Variants in GAB1 observed in about 807,000 individuals in gnomAD.
GAB1 encodes GRB2-associated-binding protein 1.
A neutral mutation model predicts 66.5 loss-of-function variants in GAB1; 19 were observed. The observed-to-expected ratio is 0.29, with a 90% CI of 0.20 to 0.42. The LOEUF is 0.42. GAB1 is among the 10% of genes least tolerant of loss of function. The probability of loss-of-function intolerance (pLI) is 1.00; values close to 1 mark genes in which losing one functional copy is unlikely to be tolerated. For synonymous variants in GAB1, 294 were observed against 301.4 expected (o/e 0.98, Z 0.25); for missense variants, 732 against 858.5 (o/e 0.85, Z 1.84).
chr4:143,440,204 A>C lies in GAB1; in HGVS notation c.1407A>C (p.Glu469Asp), dbSNP rs775475719. 15 of 1,614,206 alleles carry C rather than the reference A, an allele frequency of 9.3e-6. No individual in the cohort carries two copies. Among genetic ancestry groups the C allele is most frequent in the Non-Finnish European group, 1.3e-5 (15 of 1,180,026 alleles). The change falls in exon 6 of 10, where the codon GAA becomes GAC. Residue 469 changes from glutamate (E) to aspartate (D), a missense_variant. Around this residue, in one of 4 missense-constraint regions of GAB1, gnomAD observed 427 missense variants for 420.6 expected, o/e 1.02. Coordinates refer to ENST00000262994, the MANE Select transcript of GAB1 (RefSeq NM_002039.4). Reference protein sequence around the residue: ...HSSSFTEPIQEANYVPMTPGT... With the variant: ...HSSSFTEPIQDANYVPMTPGT... ...GCAGTTTTACAGAACCAATTCAGGA[A>C]GCAAATTATGTGCCAATGACTCCAG...
rs1394429329 is a variant in GAB1 at position 143,438,419 on chromosome 4, A to G, written c.1014A>G (p.Pro338=). 3.7e-6 allele frequency: 6 copies of G among 1,614,054 alleles called. No homozygotes were observed. In the Admixed American group the frequency reaches 1.0e-4, roughly 27 times the overall value. ...LGQTSKLDTI[P]DIPPPRPPKP... ...AGACATCAAAGCTAGACACTATTCC[A>G]GATATTCCTCCACCTCGGCCACCGA... is the stretch of plus-strand genomic sequence containing the variant. The change falls in exon 4 of 10, where the codon CCA becomes CCG. Residue 338 remains proline, a synonymous_variant. Transcript: ENST00000262994.
chr4:143,434,951 A>G (rs981755577), intron 3 of GAB1, among the ~76,000 whole-genome samples: 1 of 152,224 alleles, frequency 6.6e-6, no homozygotes, highest in Non-Finnish European at 1.5e-5. Context: ...CTATGTGACA[A>G]TTAGTGATAC....
chr4:143,445,672 A>C (rs1313928060), intron 6 of GAB1, among the ~76,000 whole-genome samples: 1 of 152,202 alleles, frequency 6.6e-6, no homozygotes, highest in South Asian at 2.1e-4. Flanking sequence ...CTTGAGGGTT[A>C]TTATCAGGAG....
rs369276175 is a variant in GAB1 at position 143,350,775 on chromosome 4, T to C, written c.72+13515T>C. 3.4e-4 allele frequency among the ~76,000 whole-genome samples: 51 copies of C among 151,878 alleles called. No individual in the cohort carries two copies. The East Asian group carries it at 3.9e-3, about 12-fold the overall frequency. ...TTTATATAAAATATATTTAAAAATA[T>C]GTATTTAGGAGCAAAAATTGATTAT... On this transcript the variant is annotated intron_variant, in intron 1 of 9. Coordinates refer to ENST00000262994, the MANE Select transcript of GAB1 (RefSeq NM_002039.4).
intron 8 of GAB1, among the ~76,000 whole-genome samples, chr4:143,462,324 T>C (rs904718196): frequency 2.6e-5 from 4 of 152,178 alleles, no homozygotes; most frequent in African/African-American, 9.6e-5. Context: ...AGAGTAGATA[T>C]TGTCACCTAT....
intron 1 of GAB1, among the ~76,000 whole-genome samples, chr4:143,401,202 G>A (rs373549060): frequency 2.3e-4 from 35 of 152,200 alleles, no homozygotes; most frequent in African/African-American, 7.5e-4. Flanking sequence ...TAGGAGTTAA[G>A]CTAATTTTTT....
At chr4:143,378,692 C>T (rs1730525996) in intron 1 of GAB1, among the ~76,000 whole-genome samples, 1 of 136,316 alleles carries the variant, frequency 7.3e-6, no homozygotes, top group African/African-American at 2.8e-5. Flanking sequence ...AGTCTCTAAA[C>T]CTCTCTTGTT....
intron 2 of GAB1, among the ~76,000 whole-genome samples, chr4:143,426,848 T>C (rs184423550): frequency 3.7e-4 from 57 of 152,334 alleles, no homozygotes; most frequent in Non-Finnish European, 6.6e-4. Flanking sequence ...AAAGGCATTA[T>C]CAAAAGCATG....
chr4:143,355,798 G>A (rs146739758), intron 1 of GAB1, among the ~76,000 whole-genome samples: 5 of 152,244 alleles, frequency 3.3e-5, no homozygotes, highest in East Asian at 3.9e-4. Flanking sequence ...TTGAGCATAT[G>A]AGAATGAGTC....
chr4:143,367,552 C>CTTTT (rs33926534), intron 1 of GAB1, among the ~76,000 whole-genome samples: 1 of 141,112 alleles, frequency 7.1e-6, no homozygotes, highest in Non-Finnish European at 1.5e-5. Context: ...TAAATGTTTG[C>CTTTT]TTTTTTTTTT....
At chr4:143,405,779 A>G (rs1184686759) in intron 1 of GAB1, among the ~76,000 whole-genome samples, 1 of 152,188 alleles carries the variant, frequency 6.6e-6, no homozygotes, top group South Asian at 2.1e-4. Flanking sequence ...GGTACTGTGG[A>G]CATCTTGGAG....
At chr4:143,425,713 A>T (rs1205163215) in intron 2 of GAB1, 1 of 759,658 alleles carries the variant, frequency 1.3e-6, no homozygotes, top group Non-Finnish European at 2.4e-6. Flanking sequence ...GCAGTGACCA[A>T]GGAGGAATTT....
intron 1 of GAB1, chr4:143,382,097 A>G (rs1440571872): frequency 6.6e-6 from 1 of 152,020 alleles, no homozygotes; most frequent in African/African-American, 2.4e-5. Flanking sequence ...TCTTGGTAGC[A>G]TTTTTTTCTT....
Position 143,438,500 on chromosome 4 carries a change from C to T in GAB1, c.1095C>T (p.Thr365=), listed in dbSNP as rs759586334. 1.9e-5 allele frequency: 31 copies of T among 1,613,822 alleles called. No homozygotes were observed. In the South Asian group the frequency reaches 2.2e-4, roughly 11 times the overall value. ...SPVETCSIPR[T]ASDTDSSYCI... is the part of the protein sequence containing the mutation. ...TGGAAACGTGTAGTATCCCACGCAC[C>T]GCCTCAGACACTGACAGTAGTTACT... The change falls in exon 4 of 10, where the codon ACC becomes ACT. Residue 365 remains threonine (T), a synonymous_variant. Transcript: ENST00000262994.
At chr4:143,357,125 G>A (rs1581222445) in intron 1 of GAB1, among the ~76,000 whole-genome samples, 1 of 152,110 alleles carries the variant, frequency 6.6e-6, no homozygotes, top group Non-Finnish European at 1.5e-5. Context: ...GAGTCTAGCT[G>A]GAGAACCTCT....
intron 1 of GAB1, chr4:143,343,350 G>A: frequency 6.5e-6 from 1 of 153,156 alleles, no homozygotes; most frequent in East Asian, 1.9e-4. Flanking sequence ...TGCTTAAGCA[G>A]TATTCTTTGG....
intron 1 of GAB1, among the ~76,000 whole-genome samples, chr4:143,344,024 A>G (rs1057424940): frequency 3.9e-5 from 6 of 152,218 alleles, no homozygotes; most frequent in African/African-American, 1.4e-4. Flanking sequence ...GAACTTATTA[A>G]AATTCCAAGG....
At chr4:143,464,477 G>A (rs533913371) in intron 8 of GAB1, among the ~76,000 whole-genome samples, 65 of 152,232 alleles carry the variant, frequency 4.3e-4, no homozygotes, top group African/African-American at 1.4e-3. Context: ...TGGTCCGCCC[G>A]CCTCAGCCTC....
At chr4:143,378,945 C>T (rs1476994805) in intron 1 of GAB1, among the ~76,000 whole-genome samples, 1 of 152,114 alleles carries the variant, frequency 6.6e-6, no homozygotes, top group East Asian at 1.9e-4. Flanking sequence ...GGCCTCCCAA[C>T]AGTATTTTTG....
Sources: allele counts gnomAD v4.1 joint callset (sites outside exome capture counted in the v4.1 genomes callset), GRCh38; gene constraint gnomAD v4.1.1; regional missense constraint gnomAD v4.1.1; transcripts MANE v1.5; gene names NCBI Gene and HGNC (gene_info 2026-07-23, HGNC 2026-07-21).